The following C3 variants were observed in gnomAD, a reference collection of about 807,000 sequenced individuals.
The protein encoded by C3 is C3 and PZP-like alpha-2-macroglobulin domain-containing protein 1.
C3 carries 97 observed loss-of-function variants against 207.9 expected under a neutral mutation model. The observed-to-expected ratio is 0.47, with a 90% CI of 0.40 to 0.55. The LOEUF (loss-of-function observed/expected upper bound fraction) is 0.55. Ranked by LOEUF, C3 falls within the 20% of genes least tolerant of loss-of-function variation. The probability of loss-of-function intolerance (pLI) is 0.00; values close to 1 mark genes in which losing one functional copy is unlikely to be tolerated. For missense variants in C3, 1,684 were observed against 2,171.7 expected (o/e 0.78, Z 4.46); for synonymous variants, 848 against 857.6 (o/e 0.99, Z 0.20).
intron 33 of C3, chr19:6,683,292 A>C (rs1213145950): frequency 6.6e-6 from 1 of 151,962 alleles, no homozygotes; most frequent in Non-Finnish European, 1.5e-5. Flanking sequence ...CATTTTTTTG[A>C]ACTAAAGTAC....
rs767007487 is a variant in C3 at position 6,679,516 on chromosome 19, G to A, written c.4457-20C>T. ...TTTCCTCTGCGGGCAGATGTGATGT[G>A]AAGATGAGAGGATAAGGGCCTCCCT... On this transcript the variant is annotated intron_variant, in intron 36 of 40. Coordinates refer to ENST00000245907, the MANE Select transcript of C3 (RefSeq NM_000064.4). 1.9e-6 allele frequency: 3 copies of A among 1,543,690 alleles called. No homozygotes were observed. Among genetic ancestry groups the A allele is most frequent in the East Asian group, 4.5e-5 (2 of 44,506 alleles).
intron 29 of C3, among the ~76,000 whole-genome samples, chr19:6,685,479 C>T (rs986045291): frequency 1.3e-5 from 2 of 152,124 alleles, no homozygotes; most frequent in Non-Finnish European, 2.9e-5. Flanking sequence ...GGCTTGGAGA[C>T]ACTGAGAATA....
At chr19:6,711,240 T>C (rs770215676) in intron 11 of C3, 44 bp from the exon 12 acceptor site, 2 of 1,498,560 alleles carry the variant, frequency 1.3e-6, no homozygotes, top group South Asian at 1.1e-5. Flanking sequence ...CGCCCGAGGA[T>C]ACCCACACCC....
In C3 at chr19:6,690,700, C is replaced by T; in HGVS notation, c.3418G>A (p.Asp1140Asn). Residue 1140 changes from aspartate (D) to asparagine (N), a missense_variant, in exon 27 of 41, where the codon GAC (aspartate) becomes AAC (asparagine). Physicochemically the swap from Asp to Asn is conservative, Grantham distance 23. Transcript: ENST00000245907. ...IGGLRNNNEK[D>N]MALTAFVLIS... ...AGAACAAAGGCCGTGAGGGCCATGTCTTTCTCGTTGTTGTTCCGTAATCCA... is the reference window on the plus strand; with the variant it reads ...AGAACAAAGGCCGTGAGGGCCATGTTTTTCTCGTTGTTGTTCCGTAATCCA... 6.2e-7 allele frequency: 1 copy of T among 1,614,228 alleles called. No homozygotes were observed. The highest frequency in any genetic ancestry group is 8.5e-7 in the Non-Finnish European group (1 of 1,180,018).
intron 29 of C3, 72 bp downstream of exon 29, chr19:6,686,052 C>G (rs1298278675): frequency 6.7e-7 from 1 of 1,491,382 alleles, no homozygotes; most frequent in Non-Finnish European, 9.3e-7. Flanking sequence ...GCCTCAGTGT[C>G]TTCTCTAGGA....
Position 6,711,075 on chromosome 19 carries a change from T to G in C3, c.1391A>C (p.Glu464Ala), listed in dbSNP as rs750602202. 1 of 1,614,086 alleles carries G rather than the reference T, an allele frequency of 6.2e-7. No individual in the cohort carries two copies. Among genetic ancestry groups the G allele is most frequent in the Admixed American group, 1.7e-5 (1 of 60,012 alleles). ...NYLHLSVLRT[E>A]LRPGETLNVN... ...GTTGAGGGTCTCCCCGGGTCTGAGC[T>G]CTGTACGTAGCACTGAGAGATGCAG... Residue 464 changes from glutamate (E) to alanine (A), a missense_variant, in exon 12 of 41, where the codon GAG becomes GCG. Transcript: ENST00000245907.
Position 6,700,463 on chromosome 19 carries a change from TATATATGTAATATATA to T in C3, c.2440+1648_2440+1663del, listed in dbSNP as rs1380312822. On this transcript the variant is annotated intron_variant, in intron 19 of 40. Coordinates refer to ENST00000245907, the MANE Select transcript of C3 (RefSeq NM_000064.4). ...AATATGATATATGTAATATATATGT[TATATATGTAATATATA>T]ATATATGTAATATGATATATTATAT... Among the ~76,000 whole-genome samples, 25 of 39,368 alleles carry T rather than the reference TATATATGTAATATATA, an allele frequency of 6.4e-4. 11 individuals are homozygous for T. The highest frequency in any genetic ancestry group is 3.7e-3 in the African/African-American group (23 of 6,166). The allele number at this position is 39,368 out of a possible 152,430, so 25.8% of individuals were successfully genotyped here. A position where few individuals can be genotyped will look rare whatever the true frequency, so the allele number is the denominator to read the frequency against.
Position 6,697,735 on chromosome 19 carries a change from G to C in C3, c.2500C>G (p.Arg834Gly). 1 of 1,613,998 alleles carries C rather than the reference G, an allele frequency of 6.2e-7. No homozygotes were observed. Among genetic ancestry groups the C allele is most frequent in the South Asian group, 1.1e-5 (1 of 91,066 alleles). Residue 834 changes from arginine to glycine, a missense_variant, in exon 20 of 41, where the codon CGG (arginine) becomes GGG (glycine). Arg to Gly is a moderately radical substitution (Grantham distance 125). Transcript: ENST00000245907. ...TTTCGAACAACAGAGTAGGGTAGCC[G>C]CAGGTCGATGAAGAAGTCCTGCATT... Reference protein sequence around the residue: ...TVMQDFFIDLRLPYSVVRNEQ... With the variant: ...TVMQDFFIDLGLPYSVVRNEQ...
chr19:6,690,143 G>A (rs1446639486), intron 27 of C3, among the ~76,000 whole-genome samples: 3 of 152,196 alleles, frequency 2.0e-5, no homozygotes, highest in Admixed American at 6.5e-5. Context: ...TTGGAGTCAC[G>A]GATCCCTTTG....
chr19:6,680,387 CA>C, intron 35 of C3, 124 bp from the exon 36 acceptor site: 1 of 692,686 alleles, frequency 1.4e-6, no homozygotes, highest in Non-Finnish European at 2.7e-6. Context: ...GATGAATGAG[CA>C]ATTCAGCAAA....
In C3 at chr19:6,718,234, C is replaced by A. The variant is rs774773946; in HGVS notation, c.433+13G>T. The A allele has an allele frequency of 1.9e-6, 3 of 1,614,106 alleles. No homozygotes were observed. In the East Asian group the frequency reaches 6.7e-5, roughly 36 times the overall value. ...GCCGGTGCCCCGCCCTCTCCAGCCG[C>A]CCCCAGCCTCACCTGTGGAGCCAGG... On this transcript the variant is annotated intron_variant, in intron 3 of 40. Coordinates refer to ENST00000245907, the MANE Select transcript of C3 (RefSeq NM_000064.4).
intron 21 of C3, among the ~76,000 whole-genome samples, chr19:6,696,908 G>C (rs1003662001): frequency 2.0e-5 from 3 of 150,578 alleles, no homozygotes; most frequent in Non-Finnish European, 4.4e-5. Flanking sequence ...CGGGCGTGGT[G>C]GCTGGCGCCT....
At chr19:6,699,465 C>T (rs148308142) in intron 19 of C3, among the ~76,000 whole-genome samples, 14 of 151,730 alleles carry the variant, frequency 9.2e-5, no homozygotes, top group African/African-American at 3.1e-4. Flanking sequence ...GCGCTGGGCG[C>T]GGTGGCTCAC....
chr19:6,678,902 T>C (rs1201865128), intron 38 of C3, among the ~76,000 whole-genome samples: 5 of 152,090 alleles, frequency 3.3e-5, no homozygotes, highest in Non-Finnish European at 4.4e-5. Flanking sequence ...CACGCAATGA[T>C]GCATACAACC....
chr19:6,683,172 G>T (rs1384269457), intron 33 of C3: 1 of 152,090 alleles, frequency 6.6e-6, no homozygotes, highest in Non-Finnish European at 1.5e-5. Context: ...AAGCTCAAAG[G>T]ATAAAATATT....
intron 11 of C3, among the ~76,000 whole-genome samples, chr19:6,711,426 GAGAA>G (rs1309870762): frequency 6.6e-6 from 1 of 152,164 alleles, no homozygotes; most frequent in African/African-American, 2.4e-5. Flanking sequence ...CAGAGACAGA[GAGAA>G]AGAGAGACAC....
Position 6,700,307 on chromosome 19 carries a change from ATAT to A in C3, c.2440+1817_2440+1819del, listed in dbSNP as rs1369825771. Among the ~76,000 whole-genome samples the A allele has an allele frequency of 1.6e-4, 21 of 129,220 alleles. 6 individuals are homozygous for A. The highest frequency in any genetic ancestry group is 1.8e-4 in the Admixed American group (2 of 11,298). 84.8% of individuals were successfully genotyped at this position (129,220 alleles called of 152,430 possible). A position where few individuals can be genotyped will look rare whatever the true frequency, so the allele number is the denominator to read the frequency against. ...ATATTATATATGTGATATGCAATAT[ATAT>A]TATATGTAATATAACATATTACATG... On this transcript the variant is annotated intron_variant, in intron 19 of 40. Coordinates refer to ENST00000245907, the MANE Select transcript of C3 (RefSeq NM_000064.4).
In C3 at chr19:6,719,154, G is replaced by T; in HGVS notation, c.267+57C>A. 1 of 1,440,786 alleles carries T rather than the reference G, an allele frequency of 6.9e-7. No homozygotes were observed. The highest frequency in any genetic ancestry group is 2.3e-5 in the East Asian group (1 of 44,076). 89.3% of individuals were successfully genotyped at this position (1,440,786 alleles called of 1,614,324 possible). On this transcript the variant is annotated intron_variant, in intron 2 of 40. Coordinates refer to ENST00000245907, the MANE Select transcript of C3 (RefSeq NM_000064.4). The surrounding 1 kb of genome is among the most constrained non-coding windows in gnomAD (Gnocchi z 5.4). ...CAGAAGGGGAGGGGCTCAGGAGGAG[G>T]GGGGGAGTGGGCGTGGCTGTGGGTG...
At chr19:6,683,743 A>G (rs11569545) in intron 33 of C3, among the ~76,000 whole-genome samples, 25,530 of 151,974 alleles carry the variant, frequency 0.17, 2,308 homozygotes, top group African/African-American at 0.24. Flanking sequence ...GAGCCGCCAC[A>G]CCCGGCCATT....
Sources: gnomAD v4.1 joint callset for allele counts (sites outside exome capture counted in the v4.1 genomes callset) on GRCh38, gnomAD v4.1.1 for gene constraint, Gnocchi (gnomAD v3.1) non-coding constraint, MANE v1.5 for transcripts, NCBI Gene and HGNC (gene_info 2026-07-23, HGNC 2026-07-21) for gene names.